The following SPIDR variants were observed in gnomAD, a reference collection of about 807,000 sequenced individuals.
SPIDR encodes scaffold protein involved in DNA repair.
Under a neutral mutation model 104.6 loss-of-function variants are expected in SPIDR, and 93 were observed. The ratio of observed to expected loss-of-function variants is 0.89; its 90% CI spans 0.75 to 1.06. The LOEUF (loss-of-function observed/expected upper bound fraction) is 1.06, where lower values mean the gene tolerates loss of function less well. Among genes scored for constraint, SPIDR ranks in the 50% least tolerant of loss-of-function variants. SPIDR has a pLI of 0.00. For synonymous variants in SPIDR, 431 were observed against 416.9 expected, an observed-to-expected ratio of 1.03 and a Z score of -0.41; for missense variants, 1,154 against 1,111.2, an observed-to-expected ratio of 1.04 and a Z score of -0.55.
intron 8 of SPIDR, among the ~76,000 whole-genome samples, chr8:47,530,631 T>C (rs939869627): frequency 3.3e-5 from 5 of 152,040 alleles, no homozygotes; most frequent in African/African-American, 7.2e-5. Flanking sequence ...AGTGAGTGAG[T>C]GGTGAGTGAA....
intron 8 of SPIDR, among the ~76,000 whole-genome samples, chr8:47,508,218 A>C (rs1466402345): frequency 6.6e-6 from 1 of 152,188 alleles, no homozygotes; most frequent in Admixed American, 6.5e-5. Flanking sequence ...GAGTTATGGC[A>C]CAGAACCAGA....
intron 8 of SPIDR, among the ~76,000 whole-genome samples, chr8:47,574,615 T>C (rs1255932208): frequency 6.6e-6 from 1 of 150,692 alleles, no homozygotes; most frequent in Non-Finnish European, 1.5e-5. Context: ...AAAATAAAAA[T>C]AAAAAAAAAT....
intron 8 of SPIDR, among the ~76,000 whole-genome samples, chr8:47,457,047 A>C (rs1055405163): frequency 6.6e-6 from 1 of 152,150 alleles, no homozygotes; most frequent in East Asian, 1.9e-4. Context: ...TGCAATTGCA[A>C]ATTGTGCCAC....
At chr8:47,659,245 G>A (rs2073590624) in intron 10 of SPIDR, among the ~76,000 whole-genome samples, 1 of 152,116 alleles carries the variant, frequency 6.6e-6, no homozygotes, top group Non-Finnish European at 1.5e-5. Flanking sequence ...GGAGACGGAG[G>A]GTGGCCTTGT....
At position 47,685,501 on chromosome 8, in the gene SPIDR, A is replaced by ATTTTTTTTTTTTTTTTTTTTT. The variant is rs1326028640; in HGVS notation, c.1685+11563_1685+11564insTTTTTTTTTTTTTTTTTTTTT. Among the ~76,000 whole-genome samples, 3 of 110,224 alleles carry ATTTTTTTTTTTTTTTTTTTTT rather than the reference A, an allele frequency of 2.7e-5. 1 individual carries two copies. The highest frequency in any genetic ancestry group is 5.4e-5 in the African/African-American group (2 of 36,956). The allele number at this position is 110,224 out of a possible 152,430, so 72.3% of individuals were successfully genotyped here. On this transcript the variant is annotated intron_variant, in intron 11 of 19. Transcript: ENST00000297423. ...GTTTTATTTATTTATTTATTTATTT[A>ATTTTTTTTTTTTTTTTTTTTT]TTTATTTATTTATTTATTTTTTTGA... is the stretch of plus-strand genomic sequence containing the variant.
At chr8:47,427,914 CTTTTTTCT>C (rs782382255) in intron 7 of SPIDR, among the ~76,000 whole-genome samples, 30 of 152,110 alleles carry the variant, frequency 2.0e-4, no homozygotes, top group African/African-American at 7.2e-4. Flanking sequence ...TCGGCGATTT[CTTTTTTCT>C]TTTTTTCTTT....
intron 5 of SPIDR, among the ~76,000 whole-genome samples, chr8:47,395,213 G>T (rs566452650): frequency 1.3e-5 from 2 of 152,044 alleles, no homozygotes; most frequent in Non-Finnish European, 2.9e-5. Context: ...GCTGGGCATC[G>T]TGCTGGGCAC....
intron 8 of SPIDR, among the ~76,000 whole-genome samples, chr8:47,481,325 A>G (rs1445864475): frequency 2.0e-5 from 3 of 152,198 alleles, no homozygotes; most frequent in African/African-American, 7.2e-5. Flanking sequence ...GAGAGTTGTA[A>G]TGCAGCTCTA....
intron 5 of SPIDR, among the ~76,000 whole-genome samples, chr8:47,302,308 G>A (rs2042231352): frequency 6.6e-6 from 1 of 151,866 alleles, no homozygotes; most frequent in South Asian, 2.1e-4. Context: ...GGTCCTTTAA[G>A]GACTTCTCTG....
At chr8:47,702,122 C>T (rs765889758) in intron 14 of SPIDR, 107 bp downstream of exon 14, 34 of 1,049,542 alleles carry the variant, frequency 3.2e-5, no homozygotes, top group Non-Finnish European at 4.8e-5. Flanking sequence ...CACACACACA[C>T]ACACACACAC....
intron 7 of SPIDR, 80 bp downstream of exon 7, chr8:47,408,041 G>T: frequency 3.7e-5 from 25 of 684,710 alleles, no homozygotes; most frequent in East Asian, 1.3e-4. Flanking sequence ...AATATATGAA[G>T]TTAATTGTTA....
At position 47,695,545 on chromosome 8, in the gene SPIDR, A is replaced by T. The variant is rs560756687; in HGVS notation, c.1686-4858A>T. 2.0e-5 allele frequency among the ~76,000 whole-genome samples: 3 copies of T among 152,322 alleles called. No homozygotes were observed. The East Asian group carries it at 5.8e-4, about 29-fold the overall frequency. On this transcript the variant is annotated intron_variant, in intron 11 of 19. Coordinates refer to ENST00000297423, the MANE Select transcript of SPIDR (RefSeq NM_001080394.4). Reference sequence around the variant, plus strand: ...AAAGAAAGTGGTTCAGGCAGTTTTAAATTGTCCTGTGAAGATTTGAGAGTT... The same window carrying T: ...AAAGAAAGTGGTTCAGGCAGTTTTATATTGTCCTGTGAAGATTTGAGAGTT...
At chr8:47,360,349 A>G (rs1225681331) in intron 5 of SPIDR, among the ~76,000 whole-genome samples, 4 of 151,790 alleles carry the variant, frequency 2.6e-5, no homozygotes, top group African/African-American at 9.7e-5. Flanking sequence ...TGGTTAGTGA[A>G]TTTTCTACTA....
At chr8:47,528,806 C>G (rs73565287) in intron 8 of SPIDR, among the ~76,000 whole-genome samples, 3,991 of 151,706 alleles carry the variant, frequency 0.026, 132 homozygotes, top group African/African-American at 0.084. Flanking sequence ...TTCAAGAACT[C>G]TGGGACATTT....
intron 5 of SPIDR, among the ~76,000 whole-genome samples, chr8:47,368,925 G>A (rs2057617707): frequency 6.6e-6 from 1 of 152,194 alleles, no homozygotes; most frequent in Non-Finnish European, 1.5e-5. Context: ...TCAGAGGTTT[G>A]TTAGAACTTA....
At chr8:47,293,469 C>G (rs961668793) in intron 4 of SPIDR, among the ~76,000 whole-genome samples, 1 of 151,858 alleles carries the variant, frequency 6.6e-6, no homozygotes, top group Admixed American at 6.6e-5. Flanking sequence ...TTTTTTGAGA[C>G]AGAGTCTCGT....
At chr8:47,607,668 T>C (rs1242952064) in intron 10 of SPIDR, among the ~76,000 whole-genome samples, 1 of 151,680 alleles carries the variant, frequency 6.6e-6, no homozygotes, top group Admixed American at 6.6e-5. Flanking sequence ...CCAAGAGTCT[T>C]TCTCCACTGT....
intron 8 of SPIDR, among the ~76,000 whole-genome samples, chr8:47,561,893 A>G (rs928945245): frequency 2.6e-5 from 4 of 152,242 alleles, no homozygotes; most frequent in African/African-American, 7.2e-5. Flanking sequence ...GGAATACTGA[A>G]TTTTGTTTGT....
intron 8 of SPIDR, among the ~76,000 whole-genome samples, chr8:47,489,024 A>G (rs1203126721): frequency 2.6e-5 from 4 of 152,336 alleles, no homozygotes; most frequent in Admixed American, 6.5e-5. Context: ...GGAGAAAGAA[A>G]TAAAGGGTAT....
Sources: gnomAD v4.1 joint callset for allele counts (sites outside exome capture counted in the v4.1 genomes callset) on GRCh38, gnomAD v4.1.1 for gene constraint, MANE v1.5 for transcripts, NCBI Gene and HGNC (gene_info 2026-07-23, HGNC 2026-07-21) for gene names.